Variants in MAD1L1 observed in about 807,000 individuals in gnomAD.
The protein encoded by MAD1L1 is mitotic arrest deficient 1 like 1, also known as mitotic spindle assembly checkpoint protein MAD1.
A neutral mutation model predicts 96.9 loss-of-function variants in MAD1L1; 95 were observed. The observed-to-expected ratio is 0.98, with a 90% CI of 0.83 to 1.16. The LOEUF (loss-of-function observed/expected upper bound fraction) is 1.16. Ranked by LOEUF, MAD1L1 falls within the 50% of genes most tolerant of loss-of-function variation. MAD1L1 has a pLI of 0.00. For synonymous variants in MAD1L1, 473 were observed against 396.6 expected (o/e 1.19, Z -2.29); for missense variants, 1,007 against 954.4 (o/e 1.06, Z -0.73).
intron 17 of MAD1L1, among the ~76,000 whole-genome samples, chr7:1,921,405 A>AT (rs1340787165): frequency 6.6e-6 from 1 of 150,790 alleles, no homozygotes; most frequent in Non-Finnish European, 1.5e-5. Flanking sequence ...TGCAACCTCC[A>AT]TCCCCCAGGT....
intron 17 of MAD1L1, among the ~76,000 whole-genome samples, chr7:1,901,977 G>A (rs569751260): frequency 3.3e-5 from 5 of 152,340 alleles, no homozygotes; most frequent in African/African-American, 1.2e-4. Context: ...AGGGACACAG[G>A]CCTGGTACTG....
rs533370957 is a variant in MAD1L1, at chr7:1,836,182, C to T, written c.1999-19954G>A. Among the ~76,000 whole-genome samples the T allele has an allele frequency of 3.0e-4, 45 of 152,004 alleles. No individual in the cohort carries two copies. In the Middle Eastern group the frequency reaches 0.01, roughly 34 times the overall value. On this transcript the variant is annotated intron_variant, in intron 18 of 18. Transcript: ENST00000265854. Reference sequence around the variant, plus strand: ...GATTACAGGCATGCACCACCGTGCCCGGCTAATTTTTGTATTTTTAGTAGA... The same window carrying T: ...GATTACAGGCATGCACCACCGTGCCTGGCTAATTTTTGTATTTTTAGTAGA...
chr7:1,897,587 A>G (rs60487426), intron 18 of MAD1L1, among the ~76,000 whole-genome samples: 8,770 of 152,300 alleles, frequency 0.058, 589 homozygotes, highest in African/African-American at 0.16. Context: ...GGGTCAACAC[A>G]TAACACCCCA....
chr7:2,223,004 TCA>T lies in MAD1L1; in HGVS notation c.292-252_292-251del, dbSNP rs566774836. ...TCCCAGGAAGGGCACTTGGCACAGA[TCA>T]CACACACATTTATCACACCGTCTGC... is the stretch of plus-strand genomic sequence containing the variant. On this transcript the variant is annotated intron_variant, in intron 4 of 18. Coordinates refer to ENST00000265854, the MANE Select transcript of MAD1L1 (RefSeq NM_001013836.2). 5.1e-4 allele frequency among the ~76,000 whole-genome samples: 78 copies of T among 152,276 alleles called. 1 individual carries two copies. In the South Asian group the frequency reaches 0.016, roughly 31 times the overall value.
chr7:2,054,116 G>A (rs1473277314), intron 12 of MAD1L1, among the ~76,000 whole-genome samples: 1 of 152,232 alleles, frequency 6.6e-6, no homozygotes, highest in African/African-American at 2.4e-5. Context: ...CAGTGCTGTG[G>A]CCATCTCCTC....
At chr7:1,822,942 C>T (rs773984863) in intron 18 of MAD1L1, among the ~76,000 whole-genome samples, 1 of 151,938 alleles carries the variant, frequency 6.6e-6, no homozygotes, top group Non-Finnish European at 1.5e-5. Flanking sequence ...CAGAGGAACT[C>T]GAAAGAGACC....
chr7:2,058,594 A>G (rs1784485427), intron 12 of MAD1L1, among the ~76,000 whole-genome samples: 1 of 83,248 alleles, frequency 1.2e-5, no homozygotes, highest in African/African-American at 4.9e-5. Flanking sequence ...GCCAGAGGAG[A>G]GGAGAGGCGC....
intron 10 of MAD1L1, among the ~76,000 whole-genome samples, chr7:2,155,005 C>T (rs1050568155): frequency 1.2e-4 from 19 of 152,264 alleles, no homozygotes; most frequent in African/African-American, 3.1e-4. Flanking sequence ...TCTGGGCACG[C>T]GGAGGAGTCC....
At chr7:2,077,171 G>T (rs1435300556) in intron 11 of MAD1L1, among the ~76,000 whole-genome samples, 1 of 152,210 alleles carries the variant, frequency 6.6e-6, no homozygotes, top group East Asian at 1.9e-4. Flanking sequence ...GGCCTCAAGG[G>T]TTAAGATGTA....
chr7:1,848,101 G>A (rs1205445287), intron 18 of MAD1L1: 2 of 273,240 alleles, frequency 7.3e-6, no homozygotes, highest in African/African-American at 2.2e-5. Flanking sequence ...AGGAGCTCCT[G>A]GGGGCACACA....
At chr7:2,005,149 C>G (rs1018572203) in intron 13 of MAD1L1, among the ~76,000 whole-genome samples, 1 of 152,128 alleles carries the variant, frequency 6.6e-6, no homozygotes, top group Non-Finnish European at 1.5e-5. Flanking sequence ...AGGCAGACAT[C>G]GACGAGCTGA....
chr7:2,081,383 G>C (rs142177900), intron 11 of MAD1L1, among the ~76,000 whole-genome samples: 2 of 152,328 alleles, frequency 1.3e-5, no homozygotes, highest in South Asian at 4.1e-4. Context: ...CAGCATCCAC[G>C]TATCAGTCCC....
chr7:1,841,961 A>T (rs1337608531), intron 18 of MAD1L1, among the ~76,000 whole-genome samples: 1 of 151,984 alleles, frequency 6.6e-6, no homozygotes, highest in African/African-American at 2.4e-5. Context: ...CCTCAGCCAG[A>T]CCCTGCCTGC....
At position 2,077,064 on chromosome 7, in the gene MAD1L1, T is replaced by G. The variant is rs565214370; in HGVS notation, c.1074-7726A>C. 2.0e-5 allele frequency among the ~76,000 whole-genome samples: 3 copies of G among 146,496 alleles called. No homozygotes were observed. The South Asian group carries it at 6.5e-4, about 32-fold the overall frequency. ...ACGACTTGGTGAGCCCGCGGCATGG[T>G]GAGCCCAAGACAGAGTTACGACTTG... On this transcript the variant is annotated intron_variant, in intron 11 of 18. Transcript: ENST00000265854.
rs924263983 is a variant in MAD1L1 at position 2,218,195 on chromosome 7, C to T, written c.597-152G>A. The T allele has an allele frequency of 1.2e-4, 78 of 631,180 alleles. 1 individual carries two copies. The highest frequency in any genetic ancestry group is 3.7e-4 in the Middle Eastern group (1 of 2,702). 39.1% of individuals were successfully genotyped at this position (631,180 alleles called of 1,614,324 possible). ...CCCACGGCACAGACCCCCCGCCCCCCGCCAACACACACTCCACTGCATGGG... is the reference window on the plus strand; with the variant it reads ...CCCACGGCACAGACCCCCCGCCCCCTGCCAACACACACTCCACTGCATGGG... On this transcript the variant is annotated intron_variant, in intron 6 of 18. Transcript: ENST00000265854.
Position 1,816,087 on chromosome 7 carries a change from G to A in MAD1L1, c.2140C>T (p.Arg714Cys), listed in dbSNP as rs773662980. 2.4e-5 allele frequency: 38 copies of A among 1,611,332 alleles called. No homozygotes were observed. The highest frequency in any genetic ancestry group is 3.3e-5 in the South Asian group (3 of 90,944). The change falls in exon 19 of 19, where the codon CGC (arginine) becomes TGC (cysteine). Residue 714 changes from arginine (R) to cysteine (C), a missense_variant. Coordinates refer to ENST00000265854, the MANE Select transcript of MAD1L1 (RefSeq NM_001013836.2). ...CCTGCAGGCTACGCCACGGTCTGGC[G>A]GCTGAAGAGCTCGAGGGTGAGCGAG... The part of the protein sequence containing the change: ...LSSLTLELFS[R>C]QTVA
At chr7:2,144,169 G>C (rs149737271) in intron 11 of MAD1L1, among the ~76,000 whole-genome samples, 8 of 152,188 alleles carry the variant, frequency 5.3e-5, no homozygotes, top group Non-Finnish European at 1.0e-4. Context: ...TGTTTAGCCC[G>C]GGGCTCAAGT....
intron 18 of MAD1L1, among the ~76,000 whole-genome samples, chr7:1,890,326 T>A (rs1786459476): frequency 6.6e-6 from 1 of 152,214 alleles, no homozygotes; most frequent in South Asian, 2.1e-4. Context: ...AGCCTGGTAC[T>A]GCCTTTGAGG....
chr7:1,953,752 TCTTTAA>T (rs1779605578), intron 16 of MAD1L1, among the ~76,000 whole-genome samples: 6 of 152,154 alleles, frequency 3.9e-5, no homozygotes, highest in Middle Eastern at 3.2e-3. Flanking sequence ...TCACAACGTA[TCTTTAA>T]ATGTTCATCA....
Sources: gnomAD v4.1 joint callset for allele counts (sites outside exome capture counted in the v4.1 genomes callset) on GRCh38, gnomAD v4.1.1 for gene constraint, MANE v1.5 for transcripts, NCBI Gene and HGNC (gene_info 2026-07-23, HGNC 2026-07-21) for gene names.